Variants in DCAF12 observed in about 807,000 individuals in gnomAD.
DCAF12 encodes DDB1- and CUL4-associated factor 12.
In DCAF12, 28 loss-of-function variants were observed where a neutral mutation model predicts 52.8. That is an observed-to-expected ratio of 0.53 (90% CI 0.39 to 0.73). The LOEUF is 0.73. Among genes scored for constraint, DCAF12 ranks in the 30% least tolerant of loss-of-function variants. The pLI is 0.00. For synonymous variants in DCAF12, 196 were observed against 215.5 expected (o/e 0.91, Z 0.79); for missense variants, 425 against 552.2 (o/e 0.77, Z 2.31).
At chr9:34,090,548 GATA>G (rs1387103439) in intron 7 of DCAF12, among the ~76,000 whole-genome samples, 3 of 152,106 alleles carry the variant, frequency 2.0e-5, no homozygotes, top group Non-Finnish European at 4.4e-5. Flanking sequence ...ATAAGAACTG[GATA>G]ATATTTGTGG....
intron 2 of DCAF12, among the ~76,000 whole-genome samples, chr9:34,115,375 A>T (rs113225365): frequency 0.054 from 4,341 of 80,126 alleles, no homozygotes; most frequent in Non-Finnish European, 0.086. Flanking sequence ...GCGGATCACG[A>T]GGTCAGGAGA....
At chr9:34,100,156 T>C (rs2131430712) in intron 4 of DCAF12, among the ~76,000 whole-genome samples, 1 of 151,070 alleles carries the variant, frequency 6.6e-6, no homozygotes, top group South Asian at 2.1e-4. Context: ...TGCCTCAGCC[T>C]CCTGAGTAGC....
intron 4 of DCAF12, among the ~76,000 whole-genome samples, chr9:34,100,758 T>C (rs1249415857): frequency 6.6e-6 from 1 of 151,318 alleles, no homozygotes; most frequent in East Asian, 1.9e-4. Context: ...CCTCATCCTG[T>C]CAAAGTGCTG....
In DCAF12 at chr9:34,086,579, T is replaced by A. The variant is rs182117524; in HGVS notation, c.*1771A>T. 1.6e-3 allele frequency: 249 copies of A among 152,150 alleles called. No individual in the cohort carries two copies. The highest frequency in any genetic ancestry group is 5.2e-3 in the African/African-American group (218 of 41,536). 9.4% of individuals were successfully genotyped at this position (152,150 alleles called of 1,614,324 possible). A position where few individuals can be genotyped will look rare whatever the true frequency, so the allele number is the denominator to read the frequency against. On this transcript the variant is annotated 3_prime_UTR_variant, in exon 9 of 9. Transcript: ENST00000361264. ...AAAATGATAGAAGTTCTGTGAGAAC[T>A]AAGAAATCTACAGCCTGTAGTTTAA...
In DCAF12 at chr9:34,093,519, C is replaced by T. The variant is rs188300884; in HGVS notation, c.862-71G>A. The stretch of plus-strand genomic sequence containing the variant: ...AAGGCAGGGATATTGTTTCTGGACT[C>T]CCACCTTGATGGGCTTCCCTCATAT... On this transcript the variant is annotated intron_variant, in intron 6 of 8. Transcript: ENST00000361264. 1.2e-4 allele frequency: 187 copies of T among 1,546,818 alleles called. No homozygotes were observed. In the African/African-American group the frequency reaches 2.3e-3, roughly 19 times the overall value.
At position 34,088,078 on chromosome 9, in the gene DCAF12, AG is replaced by A. The variant is rs1328126001; in HGVS notation, c.*271del. On this transcript the variant is annotated 3_prime_UTR_variant, in exon 9 of 9. Coordinates refer to ENST00000361264, the MANE Select transcript of DCAF12 (RefSeq NM_015397.4). Reference sequence around the variant, plus strand: ...AGACAGGAGAATGTGTGTCACTTAAAGAAAAATAGGGATTAGCAACAATGTT... The same window carrying A: ...AGACAGGAGAATGTGTGTCACTTAAAAAAAATAGGGATTAGCAACAATGTT... 5 of 255,996 alleles carry A rather than the reference AG, an allele frequency of 2.0e-5. No homozygotes were observed. Among genetic ancestry groups the A allele is most frequent in the Non-Finnish European group, 3.7e-5 (5 of 136,246 alleles). 15.9% of individuals were successfully genotyped at this position (255,996 alleles called of 1,614,324 possible). A position where few individuals can be genotyped will look rare whatever the true frequency, so the allele number is the denominator to read the frequency against.
chr9:34,119,593 T>C (rs1003317500), intron 2 of DCAF12, among the ~76,000 whole-genome samples: 1 of 152,200 alleles, frequency 6.6e-6, no homozygotes, highest in African/African-American at 2.4e-5. Flanking sequence ...AATTATTATC[T>C]TGTTAAAAAC....
intron 2 of DCAF12, among the ~76,000 whole-genome samples, chr9:34,112,913 T>A (rs1255237911): frequency 6.6e-6 from 1 of 152,040 alleles, no homozygotes; most frequent in Non-Finnish European, 1.5e-5. Flanking sequence ...AATAAACTAA[T>A]AATAAACAAA....
chr9:34,124,536 G>A (rs927278616), intron 2 of DCAF12, among the ~76,000 whole-genome samples: 13 of 152,078 alleles, frequency 8.5e-5, no homozygotes, highest in African/African-American at 2.9e-4. Flanking sequence ...CTTCCTTATA[G>A]GAAACAGTTC....
At chr9:34,123,827 A>C (rs758368695) in intron 2 of DCAF12, among the ~76,000 whole-genome samples, 1 of 151,588 alleles carries the variant, frequency 6.6e-6, no homozygotes. Context: ...CAAGGATGAC[A>C]GTTCTTAACC....
chr9:34,124,716 A>C (rs1021872261), intron 2 of DCAF12, among the ~76,000 whole-genome samples: 2 of 152,204 alleles, frequency 1.3e-5, no homozygotes, highest in South Asian at 4.1e-4. Context: ...TTTGAGGCCT[A>C]TGACTTAAAA....
intron 2 of DCAF12, among the ~76,000 whole-genome samples, chr9:34,111,126 C>T (rs1488254790): frequency 6.6e-6 from 1 of 151,828 alleles, no homozygotes; most frequent in Non-Finnish European, 1.5e-5. Flanking sequence ...GCTGGGACTA[C>T]AGGCGTGCAC....
At position 34,103,066 on chromosome 9, in the gene DCAF12, T is replaced by TC. The variant is rs1828854230; in HGVS notation, c.601+3367dup. Among the ~76,000 whole-genome samples the TC allele has an allele frequency of 2.5e-5, 3 of 118,914 alleles. No homozygotes were observed. The Admixed American group carries it at 3.2e-4, about 13-fold the overall frequency. 78.0% of individuals were successfully genotyped at this position (118,914 alleles called of 152,430 possible). A position where few individuals can be genotyped will look rare whatever the true frequency, so the allele number is the denominator to read the frequency against. ...GATCACATCACGCCACTGCATTCCA[T>TC]CCTGGGTGACAGGGCGAGACCTTAA... is the stretch of plus-strand genomic sequence containing the variant. On this transcript the variant is annotated intron_variant, in intron 4 of 8. Transcript: ENST00000361264.
chr9:34,107,316 A>G (rs1828919028), intron 3 of DCAF12, 43 bp downstream of exon 3: 7 of 1,589,952 alleles, frequency 4.4e-6, no homozygotes, highest in Non-Finnish European at 4.3e-6. Flanking sequence ...AGACCCGTTT[A>G]AAAACAAGGC....
At chr9:34,100,241 C>T (rs1321434443) in intron 4 of DCAF12, among the ~76,000 whole-genome samples, 3 of 149,886 alleles carry the variant, frequency 2.0e-5, no homozygotes, top group Non-Finnish European at 4.4e-5. Context: ...CACTGTCGCC[C>T]AGGCTGGAGT....
At chr9:34,100,134 A>G (rs889850700) in intron 4 of DCAF12, among the ~76,000 whole-genome samples, 4 of 151,770 alleles carry the variant, frequency 2.6e-5, no homozygotes, top group Non-Finnish European at 5.9e-5. Context: ...TCCTGGGCCT[A>G]AGTGATCCTC....
chr9:34,089,396 G>T lies in DCAF12; in HGVS notation c.1203+16C>A, dbSNP rs750237929. ...TGTTACTGTGTAGCAGTCATCTCAG[G>T]TAGGGGCTTACGCACCAGCCAGCCT... On this transcript the variant is annotated intron_variant, in intron 8 of 8. Coordinates refer to ENST00000361264, the MANE Select transcript of DCAF12 (RefSeq NM_015397.4). The T allele has an allele frequency of 1.2e-6, 2 of 1,606,342 alleles. No individual in the cohort carries two copies. The highest frequency in any genetic ancestry group is 2.2e-5 in the South Asian group (2 of 90,368).
At chr9:34,096,909 G>T in intron 5 of DCAF12, 128 bp from the exon 6 acceptor site, 1 of 762,642 alleles carries the variant, frequency 1.3e-6, no homozygotes. Context: ...AGAGGTGCCA[G>T]TAATTATTAG....
chr9:34,090,248 G>A (rs567208028), intron 7 of DCAF12, among the ~76,000 whole-genome samples: 1 of 152,078 alleles, frequency 6.6e-6, no homozygotes, highest in Non-Finnish European at 1.5e-5. Context: ...ATTTTCAGGA[G>A]AGACAGGGTT....
Sources: gnomAD v4.1 joint callset for allele counts (sites outside exome capture counted in the v4.1 genomes callset) on GRCh38, gnomAD v4.1.1 for gene constraint, MANE v1.5 for transcripts, NCBI Gene and HGNC (gene_info 2026-07-23, HGNC 2026-07-21) for gene names.